Variants in TES observed in about 807,000 individuals in gnomAD.
TES encodes testin.
TES carries 41 observed loss-of-function variants against 48.2 expected under a neutral mutation model. The ratio of observed to expected loss-of-function variants is 0.85; its 90% CI spans 0.66 to 1.10. The LOEUF is 1.10. Among genes scored for constraint, TES ranks in the 50% least tolerant of loss-of-function variants. TES has a pLI of 0.00. For synonymous variants in TES, 162 were observed against 174.9 expected (o/e 0.93, Z 0.58); for missense variants, 463 against 515.1 (o/e 0.90, Z 0.98).
chr7:116,256,807 TTTAA>T (rs369481855), intron 6 of TES, among the ~76,000 whole-genome samples: 489 of 152,340 alleles, frequency 3.2e-3, no homozygotes, highest in African/African-American at 9.4e-3. Flanking sequence ...TGTCAGTATT[TTTAA>T]TTGAGTCCTT....
intron 1 of TES, among the ~76,000 whole-genome samples, chr7:116,216,449 C>A (rs1441243682): frequency 6.6e-6 from 1 of 151,992 alleles, no homozygotes; most frequent in African/African-American, 2.4e-5. Context: ...CTATCAATTT[C>A]TATTTATATA....
rs763150690 is a variant in TES, at chr7:116,251,787, AAAG to A, written c.734_736del (p.Glu245del). 7 of 1,614,072 alleles carry A rather than the reference AAAG, an allele frequency of 4.3e-6. No homozygotes were observed. Among genetic ancestry groups the A allele is most frequent in the African/African-American group, 1.3e-5 (1 of 74,916 alleles). On this transcript the variant is annotated inframe_deletion, in exon 5 of 7. Transcript: ENST00000358204. ...CTGCTATTGCTGCAAACTGAGTATG[AAAG>A]AAGGTGACCCAGCCATCTATGCCGA... is the stretch of plus-strand genomic sequence containing the variant.
At chr7:116,254,023 G>C (rs1289272186) in intron 6 of TES, among the ~76,000 whole-genome samples, 1 of 151,834 alleles carries the variant, frequency 6.6e-6, no homozygotes, top group Non-Finnish European at 1.5e-5. Flanking sequence ...TTCTCGCTTT[G>C]GGGTTACCAT....
chr7:116,242,507 ATCTCTCTCTCTC>A (rs60510276), intron 2 of TES, among the ~76,000 whole-genome samples: 5 of 141,854 alleles, frequency 3.5e-5, no homozygotes, highest in Non-Finnish European at 6.2e-5. Flanking sequence ...TTCACCACCT[ATCTCTCTCTCTC>A]TCTCTCTCTC....
At chr7:116,223,134 A>T (rs1003100566) in intron 1 of TES, 1 of 319,496 alleles carries the variant, frequency 3.1e-6, no homozygotes, top group African/African-American at 2.3e-5. Flanking sequence ...CAGATGGAAT[A>T]TATTTTCATC....
At chr7:116,216,918 T>C (rs1244590662) in intron 1 of TES, among the ~76,000 whole-genome samples, 4 of 152,036 alleles carry the variant, frequency 2.6e-5, no homozygotes, top group African/African-American at 9.7e-5. Flanking sequence ...GTTATCTCTC[T>C]CAAAATAAGG....
At chr7:116,217,894 A>G in intron 1 of TES, 1 of 514,240 alleles carries the variant, frequency 1.9e-6, no homozygotes, top group African/African-American at 1.9e-5. Context: ...CATTCTAGTT[A>G]GATAATGGGG....
At chr7:116,248,102 A>T (rs1049832718) in intron 2 of TES, among the ~76,000 whole-genome samples, 7 of 152,252 alleles carry the variant, frequency 4.6e-5, no homozygotes, top group Admixed American at 1.3e-4. Context: ...TTCACTTAAG[A>T]TAATGACTTC....
Position 116,258,176 on chromosome 7 carries a change from CT to C in TES, c.*699del, listed in dbSNP as rs1800132157. ...CACATGTGGCATAACAGTATCCACA[CT>C]TTTTAGTTCTTTATTTTTTTTTTTT... On this transcript the variant is annotated 3_prime_UTR_variant, in exon 7 of 7. Transcript: ENST00000358204. The C allele has an allele frequency of 7.1e-6, 1 of 140,218 alleles. No individual in the cohort carries two copies. Among genetic ancestry groups the C allele is most frequent in the East Asian group, 2.2e-4 (1 of 4,494 alleles). 8.7% of individuals were successfully genotyped at this position (140,218 alleles called of 1,614,324 possible). A position where few individuals can be genotyped will look rare whatever the true frequency, so the allele number is the denominator to read the frequency against.
At position 116,258,307 on chromosome 7, in the gene TES, A is replaced by C. The variant is rs556407410; in HGVS notation, c.*825A>C. The C allele has an allele frequency of 6.6e-6, 1 of 152,232 alleles. No homozygotes were observed. The highest frequency in any genetic ancestry group is 2.1e-4 in the South Asian group (1 of 4,824). 9.4% of individuals were successfully genotyped at this position (152,232 alleles called of 1,614,324 possible). A position where few individuals can be genotyped will look rare whatever the true frequency, so the allele number is the denominator to read the frequency against. Reference sequence around the variant, plus strand: ...GTATTTTTAGTAGAGACAGGTTTTCACCATGTTAGCCAGGCTGGTCTCAAA... The same window carrying C: ...GTATTTTTAGTAGAGACAGGTTTTCCCCATGTTAGCCAGGCTGGTCTCAAA... On this transcript the variant is annotated 3_prime_UTR_variant, in exon 7 of 7. Coordinates refer to ENST00000358204, the MANE Select transcript of TES (RefSeq NM_015641.4).
At chr7:116,213,759 TG>T (rs1799464187) in intron 1 of TES, among the ~76,000 whole-genome samples, 1 of 152,240 alleles carries the variant, frequency 6.6e-6, no homozygotes, top group African/African-American at 2.4e-5. Flanking sequence ...ATTGATTCTA[TG>T]TCCTTGCCCT....
rs750998917 is a variant in TES, at chr7:116,249,095, G to A, written c.189G>A (p.Val63=). The change falls in exon 3 of 7, where the codon GTG becomes GTA. Residue 63 remains valine (V), a synonymous_variant. Transcript: ENST00000358204. ...VLLSNEEDRK[V]GKLFEDTKYT... ...TGAGCAATGAAGAGGATCGAAAAGT[G>A]GGAAAACTTTTTGAAGACACCAAGT... The A allele has an allele frequency of 1.2e-6, 2 of 1,614,040 alleles. No individual in the cohort carries two copies. Among genetic ancestry groups the A allele is most frequent in the Non-Finnish European group, 1.7e-6 (2 of 1,179,960 alleles).
chr7:116,246,203 A>G (rs781291641), intron 2 of TES, among the ~76,000 whole-genome samples: 9 of 152,204 alleles, frequency 5.9e-5, no homozygotes, highest in Non-Finnish European at 1.0e-4. Flanking sequence ...CCACTGTTGA[A>G]TACTCTAATC....
intron 1 of TES, chr7:116,222,988 C>T: frequency 1.0e-6 from 1 of 985,116 alleles, no homozygotes; most frequent in Non-Finnish European, 1.2e-6. Flanking sequence ...CAGGAGGAGT[C>T]CTTTTCTGAG....
Position 116,248,916 on chromosome 7 carries a change from A to G in TES, c.114-104A>G, listed in dbSNP as rs542058734. ...AAAAAAGGACTTGCCTTTGCATACCATGATATAGAATAGGCCTAAAAGTAT... is the reference window on the plus strand; with the variant it reads ...AAAAAAGGACTTGCCTTTGCATACCGTGATATAGAATAGGCCTAAAAGTAT... On this transcript the variant is annotated intron_variant, in intron 2 of 6. Coordinates refer to ENST00000358204, the MANE Select transcript of TES (RefSeq NM_015641.4). The G allele has an allele frequency of 2.6e-5, 32 of 1,211,424 alleles. No individual in the cohort carries two copies. In the African/African-American group the frequency reaches 3.8e-4, roughly 14 times the overall value. The allele number at this position is 1,211,424 out of a possible 1,614,324, so 75.0% of individuals were successfully genotyped here. A position where few individuals can be genotyped will look rare whatever the true frequency, so the allele number is the denominator to read the frequency against.
chr7:116,234,447 G>GGTAA, intron 1 of TES, 87 bp from the exon 2 acceptor site: 1 of 1,125,222 alleles, frequency 8.9e-7, no homozygotes, highest in African/African-American at 1.5e-5. Flanking sequence ...CAACACAAGT[G>GGTAA]GTAAGTGGAA....
chr7:116,249,868 G>A (rs895770431), intron 3 of TES: 2 of 252,058 alleles, frequency 7.9e-6, no homozygotes, highest in African/African-American at 2.2e-5. Context: ...AAAAGTTTAT[G>A]TTTTCTTTCA....
chr7:116,230,241 T>A (rs1399064264), intron 1 of TES, among the ~76,000 whole-genome samples: 1 of 152,214 alleles, frequency 6.6e-6, no homozygotes, highest in Non-Finnish European at 1.5e-5. Flanking sequence ...TTCACTTACT[T>A]GCTCTCTGTC....
At chr7:116,234,782 C>T (rs1046609472) in intron 2 of TES, among the ~76,000 whole-genome samples, 163 bp downstream of exon 2, 3 of 152,168 alleles carry the variant, frequency 2.0e-5, no homozygotes, top group African/African-American at 7.2e-5. Flanking sequence ...TTCTGTCTTA[C>T]TGTCATTAAG....
Sources: gnomAD v4.1 joint callset for allele counts (sites outside exome capture counted in the v4.1 genomes callset) on GRCh38, gnomAD v4.1.1 for gene constraint, MANE v1.5 for transcripts, NCBI Gene and HGNC (gene_info 2026-07-23, HGNC 2026-07-21) for gene names.